ARMC1: variants seen among roughly 807,000 people sequenced by gnomAD.
ARMC1 encodes the protein armadillo repeat containing 1.
In ARMC1, 16 loss-of-function variants were observed where a neutral mutation model predicts 31.4. The observed-to-expected ratio is 0.51, with a 90% CI of 0.34 to 0.77. ARMC1 has a LOEUF of 0.77. ARMC1 is among the 30% of genes least tolerant of loss of function. The pLI is 0.01. For missense variants in ARMC1, 259 were observed against 347.5 expected (o/e 0.75, Z 2.02); for synonymous variants, 114 against 118.9 (o/e 0.96, Z 0.27).
chr8:65,604,774 G>A (rs1346371759), intron 6 of ARMC1, among the ~76,000 whole-genome samples, 189 bp from the exon 7 acceptor site: 1 of 152,260 alleles, frequency 6.6e-6, no homozygotes, highest in South Asian at 2.1e-4. Context: ...GAAATTCTAG[G>A]AGTAAATGAG....
intron 4 of ARMC1, among the ~76,000 whole-genome samples, chr8:65,609,695 T>C (rs1808081028): frequency 6.6e-6 from 1 of 151,582 alleles, no homozygotes; most frequent in Admixed American, 6.6e-5. Flanking sequence ...CCGTCTCTAC[T>C]AAAAACACAA....
chr8:65,631,430 C>T (rs553712174), intron 1 of ARMC1, among the ~76,000 whole-genome samples: 3 of 152,178 alleles, frequency 2.0e-5, no homozygotes, highest in South Asian at 2.1e-4. Flanking sequence ...GACGGGGTTT[C>T]GCCGTGTTGG....
At chr8:65,607,033 G>A (rs966637530) in intron 4 of ARMC1, among the ~76,000 whole-genome samples, 2 of 152,210 alleles carry the variant, frequency 1.3e-5, no homozygotes, top group East Asian at 1.9e-4. Context: ...ACTGACCCAC[G>A]TGCCAAATCT....
At chr8:65,610,627 G>A (rs4384016) in intron 4 of ARMC1, among the ~76,000 whole-genome samples, 55,147 of 151,582 alleles carry the variant, frequency 0.36, 10,246 homozygotes, top group East Asian at 0.47. Flanking sequence ...CCCAGGAGGT[G>A]GAGGTTGCAG....
chr8:65,606,718 A>G (rs1326548573), intron 4 of ARMC1, among the ~76,000 whole-genome samples: 1 of 152,192 alleles, frequency 6.6e-6, no homozygotes, highest in Non-Finnish European at 1.5e-5. Flanking sequence ...CCTTAACTCC[A>G]AAGTCCAGTT....
At chr8:65,614,098 A>C (rs1563414424) in intron 3 of ARMC1, among the ~76,000 whole-genome samples, 2 of 152,246 alleles carry the variant, frequency 1.3e-5, no homozygotes, top group Non-Finnish European at 2.9e-5. Flanking sequence ...AAGAAAATAC[A>C]ACATATAAAA....
intron 4 of ARMC1, among the ~76,000 whole-genome samples, chr8:65,610,939 C>CTT (rs796885521): frequency 1.4e-4 from 20 of 144,956 alleles, no homozygotes; most frequent in African/African-American, 5.0e-4. Flanking sequence ...TTCACTTATC[C>CTT]TTTTTTTTTT....
rs1807921704 is a variant in ARMC1 at position 65,602,834 on chromosome 8, T to C, written c.*1560A>G. 1 of 151,812 alleles carries C rather than the reference T, an allele frequency of 6.6e-6. No individual in the cohort carries two copies. The highest frequency in any genetic ancestry group is 1.5e-5 in the Non-Finnish European group (1 of 67,892). 9.4% of individuals were successfully genotyped at this position (151,812 alleles called of 1,614,324 possible). On this transcript the variant is annotated 3_prime_UTR_variant, in exon 7 of 7. Coordinates refer to ENST00000276569, the MANE Select transcript of ARMC1 (RefSeq NM_018120.6). ...AGTTATTGTTGCTTTTTTTGTTTTT[T>C]TTTTTTCAGTTTGTGCGTGTCACTT... is the stretch of plus-strand genomic sequence containing the variant.
At chr8:65,621,546 T>C (rs541416588) in intron 3 of ARMC1, among the ~76,000 whole-genome samples, 1 of 152,368 alleles carries the variant, frequency 6.6e-6, no homozygotes. Context: ...TCTCGCTCTG[T>C]TGCCCAGGCT....
chr8:65,622,155 C>T (rs760400446), intron 3 of ARMC1, 108 bp downstream of exon 3: 26 of 806,090 alleles, frequency 3.2e-5, no homozygotes, highest in Non-Finnish European at 5.3e-5. Flanking sequence ...TTTGGAAAGC[C>T]AAGGTGGAAG....
chr8:65,628,622 C>G (rs1040062105), intron 1 of ARMC1, among the ~76,000 whole-genome samples: 2 of 150,596 alleles, frequency 1.3e-5, no homozygotes, highest in African/African-American at 4.9e-5. Flanking sequence ...CTTTGGGAGG[C>G]CGAGGCAGGC....
intron 2 of ARMC1, among the ~76,000 whole-genome samples, chr8:65,625,911 G>A (rs375926121): frequency 4.8e-5 from 7 of 145,100 alleles, no homozygotes; most frequent in African/African-American, 1.0e-4. Context: ...TTTTTGAGAC[G>A]GAGTTTCACT....
chr8:65,602,976 C>A lies in ARMC1; in HGVS notation c.*1418G>T, dbSNP rs1263381731. 1 of 152,008 alleles carries A rather than the reference C, an allele frequency of 6.6e-6. No homozygotes were observed. Among genetic ancestry groups the A allele is most frequent in the Non-Finnish European group, 1.5e-5 (1 of 68,002 alleles). 9.4% of individuals were successfully genotyped at this position (152,008 alleles called of 1,614,324 possible). ...GACTCTCACTGATGATGGTATTTTA[C>A]AATGAAAACACAAGGAAACCCTTTG... is the stretch of plus-strand genomic sequence containing the variant. On this transcript the variant is annotated 3_prime_UTR_variant, in exon 7 of 7. Coordinates refer to ENST00000276569, the MANE Select transcript of ARMC1 (RefSeq NM_018120.6).
At chr8:65,630,166 C>T (rs1241254570) in intron 1 of ARMC1, among the ~76,000 whole-genome samples, 1 of 151,944 alleles carries the variant, frequency 6.6e-6, no homozygotes, top group Non-Finnish European at 1.5e-5. Flanking sequence ...AAAAAAATCG[C>T]TGTGAGTAAA....
rs761973999 is a variant in ARMC1 at position 65,613,390 on chromosome 8, A to G, written c.319T>C (p.Tyr107His). 2 of 1,606,896 alleles carry G rather than the reference A, an allele frequency of 1.2e-6. No homozygotes were observed. Among genetic ancestry groups the G allele is most frequent in the Admixed American group, 3.4e-5 (2 of 58,582 alleles). ...ATATTGGAGGACTGAAGAATGTCAT[A>G]GATTTCAGAGGCCAGAAGTTTTGTT... ...GETKLLASEI[Y>H]DILQSSNMAD... The change falls in exon 4 of 7, where the codon TAT (tyrosine) becomes CAT (histidine). Residue 107 changes from tyrosine to histidine, a missense_variant. By Grantham distance (83) the Tyr-to-His change is moderately conservative. This residue lies in a region of ARMC1 where 163 missense variants were observed against 186.7 expected (regional missense o/e 0.87). Coordinates refer to ENST00000276569, the MANE Select transcript of ARMC1 (RefSeq NM_018120.6).
intron 1 of ARMC1, among the ~76,000 whole-genome samples, chr8:65,628,906 C>T (rs1808573948): frequency 6.6e-6 from 1 of 151,756 alleles, no homozygotes; most frequent in Non-Finnish European, 1.5e-5. Flanking sequence ...GTAATCCCAG[C>T]ACTTTGGGAG....
chr8:65,632,272 C>T (rs1808662312), intron 1 of ARMC1, among the ~76,000 whole-genome samples: 1 of 152,052 alleles, frequency 6.6e-6, no homozygotes, highest in Admixed American at 6.6e-5. Context: ...AACCCCATCT[C>T]TACTAAAAAT....
At chr8:65,631,883 TAAA>T (rs61273646) in intron 1 of ARMC1, among the ~76,000 whole-genome samples, 20 of 140,030 alleles carry the variant, frequency 1.4e-4, no homozygotes, top group Admixed American at 1.4e-4. Context: ...CCCTGTCTCT[TAAA>T]AAAAAAAAAA....
At chr8:65,631,294 G>A (rs755636500) in intron 1 of ARMC1, among the ~76,000 whole-genome samples, 1 of 152,192 alleles carries the variant, frequency 6.6e-6, no homozygotes, top group Non-Finnish European at 1.5e-5. Flanking sequence ...GAGTGGCGTG[G>A]TACGATTTCG....
Sources: gnomAD v4.1 joint callset for allele counts (sites outside exome capture counted in the v4.1 genomes callset) on GRCh38, gnomAD v4.1.1 for gene constraint, gnomAD v4.1.1 regional missense constraint, MANE v1.5 for transcripts, NCBI Gene and HGNC (gene_info 2026-07-23, HGNC 2026-07-21) for gene names.